Variants in DTNA observed in about 807,000 individuals in gnomAD.
DTNA encodes dystrobrevin alpha.
In DTNA, 43 loss-of-function variants were observed where a neutral mutation model predicts 100.7. That is an observed-to-expected ratio of 0.43 (90% CI 0.33 to 0.55). DTNA has a LOEUF of 0.55. Among genes scored for constraint, DTNA ranks in the 20% least tolerant of loss-of-function variants. DTNA has a pLI of 0.04. For synonymous variants in DTNA, 349 were observed against 347.9 expected, an observed-to-expected ratio of 1.00 and a Z score of -0.04; for missense variants, 798 against 953.9, an observed-to-expected ratio of 0.84 and a Z score of 2.15.
At chr18:34,605,359 C>CA (rs2052824981) in intron 1 of DTNA, among the ~76,000 whole-genome samples, 1 of 152,094 alleles carries the variant, frequency 6.6e-6, no homozygotes, top group African/African-American at 2.4e-5. Flanking sequence ...GCTTTTTAAA[C>CA]AAGCTTTGCT....
At chr18:34,788,139 A>G (rs1374200751) in intron 3 of DTNA, among the ~76,000 whole-genome samples, 2 of 152,194 alleles carry the variant, frequency 1.3e-5, no homozygotes, top group Admixed American at 6.5e-5. Flanking sequence ...AGTGCCATCT[A>G]GTGGTTCATA....
chr18:34,579,098 A>G (rs972717383), intron 1 of DTNA, among the ~76,000 whole-genome samples: 3 of 152,148 alleles, frequency 2.0e-5, no homozygotes, highest in Non-Finnish European at 2.9e-5. Flanking sequence ...GATTGCACAC[A>G]TGCATCTTTA....
Position 34,753,372 on chromosome 18 carries a change from TTTTTTTTTTTATTTTTTA to T in DTNA, c.-1-2593_-1-2576del, listed in dbSNP as rs1568412790. ...TTATTTATTTATTTATTTTATTTTT[TTTTTTTTTTTATTTTTTA>T]TTTTTTTTTTGAGACGGAGTCTCGC... On this transcript the variant is annotated intron_variant, in intron 1 of 22. Coordinates refer to ENST00000444659, the MANE Select transcript of DTNA (RefSeq NM_001386795.1). Among the ~76,000 whole-genome samples the T allele has an allele frequency of 9.3e-3, 866 of 93,270 alleles. 23 individuals are homozygous for T. Among genetic ancestry groups the T allele is most frequent in the African/African-American group, 0.031 (508 of 16,390 alleles). 61.2% of individuals were successfully genotyped at this position (93,270 alleles called of 152,430 possible). A position where few individuals can be genotyped will look rare whatever the true frequency, so the allele number is the denominator to read the frequency against.
chr18:34,826,926 A>G (rs1602782732), intron 9 of DTNA, among the ~76,000 whole-genome samples: 1 of 152,186 alleles, frequency 6.6e-6, no homozygotes, highest in East Asian at 1.9e-4. Flanking sequence ...ACCATGAACA[A>G]TTCTGAGGAA....
chr18:34,869,584 A>C (rs900136111), intron 17 of DTNA, among the ~76,000 whole-genome samples: 1 of 152,252 alleles, frequency 6.6e-6, no homozygotes, highest in Non-Finnish European at 1.5e-5. Context: ...AGGTATATTA[A>C]ACAGCTAATA....
At position 34,670,782 on chromosome 18, in the gene DTNA, G is replaced by T. The variant is rs541538863; in HGVS notation, c.-1-85194G>T. On this transcript the variant is annotated intron_variant, in intron 1 of 19. Transcript: ENST00000283365. ...GTTGCTGTCTGATGGTTCCTCTGGA[G>T]GTTTTGTCTCAGAGGGGTACTCAGC... Among the ~76,000 whole-genome samples, 3 of 152,284 alleles carry T rather than the reference G, an allele frequency of 2.0e-5. No individual in the cohort carries two copies. The South Asian group carries it at 6.2e-4, about 32-fold the overall frequency.
intron 17 of DTNA, among the ~76,000 whole-genome samples, chr18:34,872,530 C>T (rs1318741569): frequency 6.6e-6 from 1 of 152,202 alleles, no homozygotes; most frequent in Non-Finnish European, 1.5e-5. Flanking sequence ...TCAGTTACCT[C>T]ACATCCATTA....
chr18:34,671,387 C>T (rs1247451296), intron 1 of DTNA, among the ~76,000 whole-genome samples: 1 of 152,162 alleles, frequency 6.6e-6, no homozygotes, highest in Admixed American at 6.5e-5. Flanking sequence ...CCAGGTGAGG[C>T]AATGCCTCGC....
intron 17 of DTNA, among the ~76,000 whole-genome samples, chr18:34,864,496 G>A (rs374174622): frequency 2.2e-4 from 33 of 151,268 alleles, no homozygotes; most frequent in African/African-American, 7.3e-4. Context: ...CTCGTGATCC[G>A]CCCGCCTCGG....
At chr18:34,522,531 C>T (rs1040693932) in intron 1 of DTNA, among the ~76,000 whole-genome samples, 1 of 152,204 alleles carries the variant, frequency 6.6e-6, no homozygotes, top group Non-Finnish European at 1.5e-5. Context: ...CTCCTTTTGT[C>T]CATGGCCTCC....
intron 1 of DTNA, among the ~76,000 whole-genome samples, chr18:34,659,278 A>G (rs2074829945): frequency 6.6e-6 from 1 of 152,250 alleles, no homozygotes; most frequent in Admixed American, 6.5e-5. Context: ...ACTTAGTCCA[A>G]TATATCAAAA....
At chr18:34,537,707 T>C (rs1439804768) in intron 1 of DTNA, among the ~76,000 whole-genome samples, 1 of 151,790 alleles carries the variant, frequency 6.6e-6, no homozygotes, top group Non-Finnish European at 1.5e-5. Context: ...AACAATAACC[T>C]GGAACTATAA....
At chr18:34,613,065 A>G (rs191908047) in intron 1 of DTNA, among the ~76,000 whole-genome samples, 68 of 152,242 alleles carry the variant, frequency 4.5e-4, no homozygotes, top group Non-Finnish European at 5.6e-4. Flanking sequence ...TGCTCACTTC[A>G]TGTCTCTGTG....
At chr18:34,799,610 C>T (rs774814706) in intron 4 of DTNA, among the ~76,000 whole-genome samples, 10 of 151,436 alleles carry the variant, frequency 6.6e-5, no homozygotes, top group African/African-American at 1.2e-4. Flanking sequence ...TTTCTTTGCA[C>T]GTCTTAAATT....
chr18:34,555,323 C>T (rs191399017), intron 1 of DTNA, among the ~76,000 whole-genome samples: 2,384 of 149,234 alleles, frequency 0.016, 47 homozygotes, highest in Non-Finnish European at 0.023. Context: ...TTTCAAAAAA[C>T]CAGCTCCTGG....
chr18:34,774,087 C>G (rs1457080992), intron 3 of DTNA, among the ~76,000 whole-genome samples: 2 of 152,240 alleles, frequency 1.3e-5, no homozygotes, highest in Non-Finnish European at 2.9e-5. Context: ...CAACTAAGCA[C>G]TTTTACTTTC....
At chr18:34,539,294 T>A (rs1480544188) in intron 1 of DTNA, among the ~76,000 whole-genome samples, 1 of 151,952 alleles carries the variant, frequency 6.6e-6, no homozygotes, top group African/African-American at 2.4e-5. Context: ...AAGATGTTTG[T>A]CCAAGGAAGA....
chr18:34,804,147 T>C (rs1017511882), intron 4 of DTNA, among the ~76,000 whole-genome samples: 8 of 152,044 alleles, frequency 5.3e-5, no homozygotes, highest in Admixed American at 6.5e-5. Flanking sequence ...TGAATAATGA[T>C]ATTGAGTGGC....
intron 21 of DTNA, among the ~76,000 whole-genome samples, chr18:34,882,801 TC>T (rs2096886018): frequency 6.6e-6 from 1 of 152,182 alleles, no homozygotes; most frequent in Non-Finnish European, 1.5e-5. Context: ...ATGCTTTTTC[TC>T]ATAATTATTT....
Sources: allele counts gnomAD v4.1 joint callset (sites outside exome capture counted in the v4.1 genomes callset), GRCh38; gene constraint gnomAD v4.1.1; transcripts MANE v1.5; gene names NCBI Gene and HGNC (gene_info 2026-07-23, HGNC 2026-07-21).